The following TRAPPC9 variants were observed in gnomAD, a reference collection of about 807,000 sequenced individuals.
The protein encoded by TRAPPC9 is trafficking protein particle complex subunit 9.
In TRAPPC9, 83 loss-of-function variants were observed where a neutral mutation model predicts 124.0. That is an observed-to-expected ratio of 0.67 (90% CI 0.56 to 0.80). The LOEUF is 0.80. Ranked by LOEUF, TRAPPC9 falls within the 30% of genes least tolerant of loss-of-function variation. TRAPPC9 has a pLI of 0.00. For missense variants in TRAPPC9, 1,302 were observed against 1,508.3 expected, an observed-to-expected ratio of 0.86 and a Z score of 2.27; for synonymous variants, 638 against 617.5, an observed-to-expected ratio of 1.03 and a Z score of -0.49.
chr8:139,818,027 G>C (rs1824980420), intron 21 of TRAPPC9, among the ~76,000 whole-genome samples: 1 of 152,244 alleles, frequency 6.6e-6, no homozygotes, highest in African/African-American at 2.4e-5. Flanking sequence ...TAAGTAATTG[G>C]GCATACACTG....
chr8:139,871,819 A>G (rs1828920937), intron 21 of TRAPPC9, among the ~76,000 whole-genome samples: 1 of 152,090 alleles, frequency 6.6e-6, no homozygotes, highest in African/African-American at 2.4e-5. Flanking sequence ...GGGTGGATGG[A>G]CTGATGAGCG....
chr8:140,218,485 G>A (rs1205749227), intron 17 of TRAPPC9, among the ~76,000 whole-genome samples: 1 of 152,038 alleles, frequency 6.6e-6, no homozygotes, highest in African/African-American at 2.4e-5. Context: ...AAGGGAGACT[G>A]TGGCATTTTA....
chr8:140,318,146 A>G lies in TRAPPC9; in HGVS notation c.1496-6772T>C, dbSNP rs574494100. Among the ~76,000 whole-genome samples the G allele has an allele frequency of 2.2e-4, 34 of 152,332 alleles. No homozygotes were observed. In the South Asian group the frequency reaches 6.8e-3, roughly 31 times the overall value. On this transcript the variant is annotated intron_variant, in intron 9 of 22. Transcript: ENST00000438773. The stretch of plus-strand genomic sequence containing the variant: ...GCAAGAGATGAAGTAAATGTGTAAA[A>G]GTCTTGATAACCACTGAATCCGGGT...
intron 17 of TRAPPC9, among the ~76,000 whole-genome samples, chr8:140,050,678 A>G (rs1205703937): frequency 1.3e-5 from 2 of 152,124 alleles, no homozygotes; most frequent in Non-Finnish European, 2.9e-5. Context: ...TGAAATGTCT[A>G]TGGAGGAAGA....
chr8:140,207,227 G>T (rs1231715772), intron 17 of TRAPPC9, among the ~76,000 whole-genome samples: 1 of 152,210 alleles, frequency 6.6e-6, no homozygotes, highest in African/African-American at 2.4e-5. Context: ...AACAAAGCGG[G>T]TAAAAAGCTG....
intron 18 of TRAPPC9, among the ~76,000 whole-genome samples, chr8:140,022,515 C>T (rs942223792): frequency 6.6e-6 from 1 of 151,984 alleles, no homozygotes; most frequent in Non-Finnish European, 1.5e-5. Flanking sequence ...GGGGTCATGA[C>T]GTGAAAACCA....
At chr8:140,072,602 G>GAGGAGGAGGAGAAGGGA (rs1272997477) in intron 17 of TRAPPC9, among the ~76,000 whole-genome samples, 10 of 142,606 alleles carry the variant, frequency 7.0e-5, no homozygotes, top group African/African-American at 2.8e-4. Context: ...GAAGGAGGAG[G>GAGGAGGAGGAGAAGGGA]AGGAGGAGGA....
chr8:140,001,760 C>A (rs1454196710), intron 18 of TRAPPC9, among the ~76,000 whole-genome samples: 2 of 152,154 alleles, frequency 1.3e-5, no homozygotes, highest in South Asian at 4.1e-4. Flanking sequence ...TCCAAGAAAG[C>A]ACTTATCCAC....
intron 21 of TRAPPC9, among the ~76,000 whole-genome samples, chr8:139,812,407 G>A (rs1342516265): frequency 1.3e-5 from 2 of 152,096 alleles, no homozygotes; most frequent in Non-Finnish European, 2.9e-5. Context: ...GTCTAACACC[G>A]AAAGATCACA....
chr8:139,744,369 C>A (rs533837912), intron 21 of TRAPPC9, among the ~76,000 whole-genome samples: 3 of 144,078 alleles, frequency 2.1e-5, no homozygotes, highest in South Asian at 2.5e-4. Context: ...ACCACCCCTT[C>A]CCCGCTTCCA....
intron 17 of TRAPPC9, among the ~76,000 whole-genome samples, chr8:140,124,591 T>G (rs912400021): frequency 6.6e-6 from 1 of 152,200 alleles, no homozygotes; most frequent in Non-Finnish European, 1.5e-5. Context: ...GCATCTACCA[T>G]GTGCCCCGGC....
chr8:139,747,217 C>G (rs1205903733), intron 21 of TRAPPC9, among the ~76,000 whole-genome samples: 7 of 152,172 alleles, frequency 4.6e-5, no homozygotes, highest in Non-Finnish European at 1.0e-4. Flanking sequence ...CTGTGTGGCT[C>G]TGTGTTGAGT....
chr8:139,851,459 C>T (rs757802323), intron 21 of TRAPPC9, among the ~76,000 whole-genome samples: 27 of 152,234 alleles, frequency 1.8e-4, no homozygotes, highest in African/African-American at 3.1e-4. Context: ...GGTGGTTAGA[C>T]GGTGGTGCAT....
chr8:139,946,578 C>G (rs2665939), intron 19 of TRAPPC9, among the ~76,000 whole-genome samples: 440 of 152,062 alleles, frequency 2.9e-3, no homozygotes, highest in Non-Finnish European at 4.7e-3. Flanking sequence ...GCAAGGTATG[C>G]CAGTGTCTCA....
rs540036137 is a variant in TRAPPC9, at chr8:140,310,452, C to G, written c.1622+796G>C. ...CAACTGTTTCTTTCCGGTCTTCAAA[C>G]AAATATTTCAGAAATTCAGAAATCA... On this transcript the variant is annotated intron_variant, in intron 10 of 22. Coordinates refer to ENST00000438773, the MANE Select transcript of TRAPPC9 (RefSeq NM_001160372.4). Among the ~76,000 whole-genome samples, 14 of 152,300 alleles carry G rather than the reference C, an allele frequency of 9.2e-5. No homozygotes were observed. In the South Asian group the frequency reaches 2.9e-3, roughly 32 times the overall value.
At chr8:139,836,229 G>A (rs186112173) in intron 21 of TRAPPC9, among the ~76,000 whole-genome samples, 33 of 152,222 alleles carry the variant, frequency 2.2e-4, no homozygotes, top group African/African-American at 6.0e-4. Flanking sequence ...AGCTGGTCTC[G>A]AATTCCTGAC....
At chr8:139,848,026 C>T (rs936559213) in intron 21 of TRAPPC9, among the ~76,000 whole-genome samples, 5 of 152,238 alleles carry the variant, frequency 3.3e-5, no homozygotes, top group African/African-American at 9.6e-5. Flanking sequence ...TAGCCCCTCA[C>T]GCAGGGCCTG....
chr8:140,018,517 T>C (rs900035686), intron 18 of TRAPPC9, among the ~76,000 whole-genome samples: 31 of 151,510 alleles, frequency 2.0e-4, no homozygotes, highest in African/African-American at 7.3e-4. Context: ...TTAGTAGAGA[T>C]GGGGTTTCAC....
chr8:140,267,009 TA>T (rs1274107067), intron 15 of TRAPPC9, among the ~76,000 whole-genome samples: 1 of 152,136 alleles, frequency 6.6e-6, no homozygotes, highest in East Asian at 1.9e-4. Context: ...ATCTTTACCA[TA>T]AACTTAAAAT....
Sources: allele counts gnomAD v4.1 joint callset (sites outside exome capture counted in the v4.1 genomes callset), GRCh38; gene constraint gnomAD v4.1.1; transcripts MANE v1.5; gene names NCBI Gene and HGNC (gene_info 2026-07-23, HGNC 2026-07-21).